DMXL2: variants seen among roughly 807,000 people sequenced by gnomAD.
DMXL2 encodes dmX-like protein 2.
A neutral mutation model predicts 331.1 loss-of-function variants in DMXL2; 103 were observed. The observed-to-expected ratio is 0.31, with a 90% CI of 0.27 to 0.37. The LOEUF is 0.37. Ranked by LOEUF, DMXL2 falls within the 10% of genes least tolerant of loss-of-function variation. The pLI, the probability that DMXL2 is intolerant of heterozygous loss-of-function variation, is 1.00. For missense variants in DMXL2, 3,171 were observed against 3,642.9 expected (o/e 0.87, Z 3.33); for synonymous variants, 1,281 against 1,252.1 (o/e 1.02, Z -0.49).
intron 23 of DMXL2, among the ~76,000 whole-genome samples, chr15:51,483,487 T>C (rs2042165311): frequency 6.6e-6 from 1 of 152,136 alleles, no homozygotes; most frequent in South Asian, 2.1e-4. Flanking sequence ...AGAGAAACAA[T>C]CTGGCAGTCT....
At chr15:51,548,877 G>A (rs1053902865) in intron 6 of DMXL2, among the ~76,000 whole-genome samples, 20 of 151,742 alleles carry the variant, frequency 1.3e-4, no homozygotes, top group Non-Finnish European at 4.4e-5. Context: ...TATCAAAAGG[G>A]GGAGTTGCAG....
At chr15:51,574,565 C>T (rs190962197) in intron 2 of DMXL2, among the ~76,000 whole-genome samples, 9 of 152,122 alleles carry the variant, frequency 5.9e-5, no homozygotes, top group African/African-American at 1.7e-4. Context: ...ATGACACTTA[C>T]GCAAAAAGTG....
At chr15:51,508,488 T>A (rs937180198) in intron 15 of DMXL2, among the ~76,000 whole-genome samples, 2 of 152,212 alleles carry the variant, frequency 1.3e-5, no homozygotes, top group African/African-American at 2.4e-5. Context: ...TGCTACTTAC[T>A]AGCCTAATAT....
At chr15:51,611,241 G>GTTT (rs2053950288) in intron 1 of DMXL2, among the ~76,000 whole-genome samples, 1 of 152,044 alleles carries the variant, frequency 6.6e-6, no homozygotes, top group Non-Finnish European at 1.5e-5. Context: ...AAAAGGGAGA[G>GTTT]GCACAAATAA....
intron 13 of DMXL2, among the ~76,000 whole-genome samples, chr15:51,529,778 C>T (rs1390375116): frequency 6.6e-6 from 1 of 152,054 alleles, no homozygotes; most frequent in Non-Finnish European, 1.5e-5. Context: ...TACCTTGACA[C>T]CAAAACCAAA....
rs1292486200 is a variant in DMXL2, at chr15:51,456,921, T to C, written c.8337+407A>G. On this transcript the variant is annotated intron_variant, in intron 37 of 43. Transcript: ENST00000560891. Reference sequence around the variant, plus strand: ...GTGTGGTGGCTCATGCCTGTAATCCTAGCACCTTGGGAGGCTGAAGCGGGT... The same window carrying C: ...GTGTGGTGGCTCATGCCTGTAATCCCAGCACCTTGGGAGGCTGAAGCGGGT... Among the ~76,000 whole-genome samples, 5 of 152,268 alleles carry C rather than the reference T, an allele frequency of 3.3e-5. No homozygotes were observed. The Middle Eastern group carries it at 0.01, about 311-fold the overall frequency.
At chr15:51,517,813 G>A (rs1480554455) in intron 13 of DMXL2, among the ~76,000 whole-genome samples, 1 of 152,216 alleles carries the variant, frequency 6.6e-6, no homozygotes, top group Non-Finnish European at 1.5e-5. Flanking sequence ...GCTTCGCCTA[G>A]AGATATAAGT....
chr15:51,521,748 T>C (rs566397081), intron 13 of DMXL2, among the ~76,000 whole-genome samples: 1 of 152,300 alleles, frequency 6.6e-6, no homozygotes, highest in South Asian at 2.1e-4. Context: ...TTTATATGAC[T>C]CTATAGATAC....
At chr15:51,600,457 G>A (rs11070860) in intron 1 of DMXL2, among the ~76,000 whole-genome samples, 72,553 of 151,912 alleles carry the variant, frequency 0.48, 17,701 homozygotes, top group Non-Finnish European at 0.52. Flanking sequence ...CTGGACCCCA[G>A]TAAAGGCTTT....
intron 41 of DMXL2, among the ~76,000 whole-genome samples, chr15:51,452,730 T>G (rs1246191345): frequency 6.6e-6 from 1 of 152,118 alleles, no homozygotes; most frequent in Non-Finnish European, 1.5e-5. Flanking sequence ...AATCCAGCAA[T>G]CCCACTACTG....
intron 4 of DMXL2, among the ~76,000 whole-genome samples, 191 bp downstream of exon 4, chr15:51,564,897 G>T (rs539094512): frequency 6.6e-5 from 10 of 151,432 alleles, no homozygotes; most frequent in African/African-American, 2.2e-4. Context: ...CAAAGGCAGG[G>T]GAAAAAACAG....
chr15:51,572,340 G>C (rs180971696), intron 2 of DMXL2, among the ~76,000 whole-genome samples: 1 of 151,578 alleles, frequency 6.6e-6, no homozygotes, highest in Admixed American at 6.6e-5. Flanking sequence ...ATTCACAGCT[G>C]AATTCTACCA....
At chr15:51,575,980 A>G (rs2051000621) in intron 2 of DMXL2, 76 bp downstream of exon 2, 1 of 1,408,942 alleles carries the variant, frequency 7.1e-7, no homozygotes, top group African/African-American at 1.4e-5. Context: ...CAAGCTTTGC[A>G]TAAAAGGATA....
Position 51,585,964 on chromosome 15 carries a change from T to C in DMXL2, c.88-9783A>G, listed in dbSNP as rs118189250. Among the ~76,000 whole-genome samples, 91 of 152,272 alleles carry C rather than the reference T, an allele frequency of 6.0e-4. 1 individual carries two copies. The East Asian group carries it at 0.017, about 29-fold the overall frequency. The stretch of plus-strand genomic sequence containing the variant: ...TCCAAGATACATAAAACTCCTACCA[T>C]TGAGATGTAAGTCCACACTACAGTA... On this transcript the variant is annotated intron_variant, in intron 1 of 43. Transcript: ENST00000560891.
chr15:51,488,238 G>A, intron 21 of DMXL2, 119 bp from the exon 22 acceptor site: 3 of 985,728 alleles, frequency 3.0e-6, no homozygotes, highest in Non-Finnish European at 4.3e-6. Flanking sequence ...ATAACTTCAA[G>A]GACAGGCATT....
Position 51,540,901 on chromosome 15 carries a change from G to A in DMXL2, c.1105+1432C>T, listed in dbSNP as rs146106785. Among the ~76,000 whole-genome samples, 500 of 152,258 alleles carry A rather than the reference G, an allele frequency of 3.3e-3. 4 individuals carry two copies. The highest frequency in any genetic ancestry group is 0.011 in the African/African-American group (468 of 41,568). ...ACATATCCAGTCCTTAGGCTCAAAT[G>A]ATGTGACAGAATGCTCATCCTCTGT... On this transcript the variant is annotated intron_variant, in intron 9 of 43. Transcript: ENST00000560891.
intron 6 of DMXL2, among the ~76,000 whole-genome samples, chr15:51,560,460 G>GAA (rs1312080067): frequency 4.3e-5 from 5 of 115,618 alleles, no homozygotes; most frequent in Non-Finnish European, 8.9e-5. Flanking sequence ...TAAATAAAGG[G>GAA]AAAAGAGACC....
In DMXL2 at chr15:51,448,828, CA is replaced by C; in HGVS notation, c.*155del. ...TAATAAGGTACATGCGCATTCATTC[CA>C]CCAACCTGTTTAGATAATACTCAGC... On this transcript the variant is annotated 3_prime_UTR_variant, in exon 44 of 44. Coordinates refer to ENST00000560891, the MANE Select transcript of DMXL2 (RefSeq NM_001378457.1). The C allele has an allele frequency of 1.4e-6, 1 of 729,454 alleles. No individual in the cohort carries two copies. Among genetic ancestry groups the C allele is most frequent in the Non-Finnish European group, 2.2e-6 (1 of 449,148 alleles). The allele number at this position is 729,454 out of a possible 1,614,324, so 45.2% of individuals were successfully genotyped here.
chr15:51,602,393 A>T (rs542428966), intron 1 of DMXL2, among the ~76,000 whole-genome samples: 15 of 152,088 alleles, frequency 9.9e-5, no homozygotes, highest in African/African-American at 3.1e-4. Flanking sequence ...TTCTACTCTG[A>T]GGTGCCATGA....
Sources: gnomAD v4.1 joint callset for allele counts (sites outside exome capture counted in the v4.1 genomes callset) on GRCh38, gnomAD v4.1.1 for gene constraint, MANE v1.5 for transcripts, NCBI Gene and HGNC (gene_info 2026-07-23, HGNC 2026-07-21) for gene names.